Variants in IL5RA observed in about 807,000 individuals in gnomAD.
IL5RA encodes the protein interleukin-5 receptor subunit alpha.
Under a neutral mutation model 50.0 loss-of-function variants are expected in IL5RA, and 49 were observed. The observed-to-expected ratio is 0.98, with a 90% CI of 0.78 to 1.24. The LOEUF (loss-of-function observed/expected upper bound fraction) is 1.24, where lower values mean the gene tolerates loss of function less well. Among genes scored for constraint, IL5RA ranks in the 50% most tolerant of loss-of-function variants. The pLI, the probability that IL5RA is intolerant of heterozygous loss-of-function variation, is 0.00. For synonymous variants in IL5RA, 202 were observed against 174.0 expected (o/e 1.16, Z -1.26); for missense variants, 600 against 500.4 (o/e 1.20, Z -1.90).
Position 3,102,756 on chromosome 3 carries a change from T to C in IL5RA, c.147A>G (p.Gln49=), listed in dbSNP as rs1175668767. ...KVTGLAQVLL[Q]WKPNPDQEQR... Reference sequence around the variant, plus strand: ...GCTCTTGATCAGGATTTGGTTTCCATTGTAAAAGAACTTGAGCCAAACCAG... The same window carrying C: ...GCTCTTGATCAGGATTTGGTTTCCACTGTAAAAGAACTTGAGCCAAACCAG... The change falls in exon 4 of 12, where the codon CAA becomes CAG. Residue 49 remains glutamine (Q), a synonymous_variant. Coordinates refer to ENST00000446632, the MANE Select transcript of IL5RA (RefSeq NM_175726.4). 5 of 1,611,640 alleles carry C rather than the reference T, an allele frequency of 3.1e-6. No individual in the cohort carries two copies.
chr3:3,070,158 C>A lies in IL5RA; in HGVS notation c.*67G>T. 9.9e-7 allele frequency: 1 copy of A among 1,008,718 alleles called. No homozygotes were observed. The highest frequency in any genetic ancestry group is 1.5e-6 in the Non-Finnish European group (1 of 649,822). The allele number at this position is 1,008,718 out of a possible 1,614,324, so 62.5% of individuals were successfully genotyped here. A position where few individuals can be genotyped will look rare whatever the true frequency, so the allele number is the denominator to read the frequency against. On this transcript the variant is annotated 3_prime_UTR_variant, in exon 12 of 12. Coordinates refer to ENST00000446632, the MANE Select transcript of IL5RA (RefSeq NM_175726.4). Reference sequence around the variant, plus strand: ...TGAACACCTCTTAGCCAAGAGCCAGCATCCCTGTTCTTTTCACTGAGGCAC... The same window carrying A: ...TGAACACCTCTTAGCCAAGAGCCAGAATCCCTGTTCTTTTCACTGAGGCAC...
chr3:3,071,583 G>A lies in IL5RA; in HGVS notation c.1177-1272C>T, dbSNP rs1449702834. Among the ~76,000 whole-genome samples the A allele has an allele frequency of 8.2e-5, 7 of 85,146 alleles. No individual in the cohort carries two copies. The East Asian group carries it at 1.6e-3, about 20-fold the overall frequency. The allele number at this position is 85,146 out of a possible 152,430, so 55.9% of individuals were successfully genotyped here. A position where few individuals can be genotyped will look rare whatever the true frequency, so the allele number is the denominator to read the frequency against. ...TGTGTGTGTGTGTGTGTGTGTGTGT[G>A]TGTGTGTGTGTGTATTTTTTTTTTT... is the stretch of plus-strand genomic sequence containing the variant. On this transcript the variant is annotated intron_variant, in intron 11 of 11. Transcript: ENST00000446632.
At chr3:3,083,563 G>A (rs1461037504) in intron 9 of IL5RA, among the ~76,000 whole-genome samples, 1 of 152,180 alleles carries the variant, frequency 6.6e-6, no homozygotes. Flanking sequence ...AATTCCTCAT[G>A]GCAGTTTTCT....
chr3:3,081,374 C>G (rs1012274485), intron 9 of IL5RA, among the ~76,000 whole-genome samples: 3 of 152,184 alleles, frequency 2.0e-5, no homozygotes, highest in Non-Finnish European at 2.9e-5. Flanking sequence ...AACCATTATG[C>G]AAGTATTCTG....
chr3:3,073,804 A>C (rs1207910981), intron 11 of IL5RA: 2 of 451,912 alleles, frequency 4.4e-6, no homozygotes, highest in Non-Finnish European at 8.9e-6. Context: ...TGAATCTAAG[A>C]TGTATATGAA....
rs1559856794 is a variant in IL5RA at position 3,068,614 on chromosome 3, A to AAAAAAAAAAG, written c.*1610_*1611insCTTTTTTTTT. On this transcript the variant is annotated 3_prime_UTR_variant, in exon 12 of 12. Coordinates refer to ENST00000446632, the MANE Select transcript of IL5RA (RefSeq NM_175726.4). ...AAAAAAAAAAAAAAAAAAAACAAAA[A>AAAAAAAAAAG]CAGGTTTGAGATTATGAATCATTTG... is the stretch of plus-strand genomic sequence containing the variant. 1 of 135,616 alleles carries AAAAAAAAAAG rather than the reference A, an allele frequency of 7.4e-6. No homozygotes were observed. The highest frequency in any genetic ancestry group is 2.7e-5 in the African/African-American group (1 of 37,012). 8.4% of individuals were successfully genotyped at this position (135,616 alleles called of 1,614,324 possible).
chr3:3,094,022 C>T (rs2125975293), intron 8 of IL5RA, among the ~76,000 whole-genome samples: 1 of 152,224 alleles, frequency 6.6e-6, no homozygotes, highest in South Asian at 2.1e-4. Flanking sequence ...TAAAGCTTGA[C>T]ACATAATTGA....
Position 3,067,593 on chromosome 3 carries a change from C to T in IL5RA, c.*2632G>A, listed in dbSNP as rs1702166579. 1 of 152,282 alleles carries T rather than the reference C, an allele frequency of 6.6e-6. No individual in the cohort carries two copies. The highest frequency in any genetic ancestry group is 1.5e-5 in the Non-Finnish European group (1 of 68,146). The allele number at this position is 152,282 out of a possible 1,614,324, so 9.4% of individuals were successfully genotyped here. Reference sequence around the variant, plus strand: ...AGAATCCAGAGGCGGGATCAACCAACTCTGCTTTTGAAGGCTTCATGGAGG... The same window carrying T: ...AGAATCCAGAGGCGGGATCAACCAATTCTGCTTTTGAAGGCTTCATGGAGG... On this transcript the variant is annotated 3_prime_UTR_variant, in exon 12 of 12. Transcript: ENST00000446632.
At position 3,095,166 on chromosome 3, in the gene IL5RA, C is replaced by A. The variant is rs1703299956; in HGVS notation, c.855+133G>T. The stretch of plus-strand genomic sequence containing the variant: ...TATCTATTTGGTTATATCTATAATA[C>A]CTGGGTAGATTAAGTTAACTTTGAC... On this transcript the variant is annotated intron_variant, in intron 8 of 11. Coordinates refer to ENST00000446632, the MANE Select transcript of IL5RA (RefSeq NM_175726.4). 7.7e-6 allele frequency: 5 copies of A among 645,352 alleles called. No homozygotes were observed. The South Asian group carries it at 9.8e-5, about 13-fold the overall frequency. The allele number at this position is 645,352 out of a possible 1,614,324, so 40.0% of individuals were successfully genotyped here.
chr3:3,070,424 C>T (rs1702260020), intron 11 of IL5RA, 113 bp from the exon 12 acceptor site: 1 of 659,554 alleles, frequency 1.5e-6, no homozygotes. Flanking sequence ...AGTAAATGTT[C>T]ACAAAGAAGA....
chr3:3,074,120 C>T (rs759231769), intron 11 of IL5RA, among the ~76,000 whole-genome samples: 12 of 152,332 alleles, frequency 7.9e-5, no homozygotes, highest in South Asian at 6.2e-4. Context: ...TGAACCTAAG[C>T]GCTCTGAATG....
At chr3:3,087,396 C>G (rs557768082) in intron 9 of IL5RA, among the ~76,000 whole-genome samples, 3 of 152,146 alleles carry the variant, frequency 2.0e-5, no homozygotes, top group Non-Finnish European at 2.9e-5. Flanking sequence ...GGACAGCACC[C>G]CCAGCCTCTC....
rs1482391230 is a variant in IL5RA, at chr3:3,092,266, C to G, written c.952G>C (p.Glu318Gln). The G allele has an allele frequency of 1.2e-6, 2 of 1,614,024 alleles. No homozygotes were observed. Among genetic ancestry groups the G allele is most frequent in the East Asian group, 2.2e-5 (1 of 44,898 alleles). The change falls in exon 9 of 12, where the codon GAG becomes CAG. Residue 318 changes from glutamate (E) to glutamine (Q), a missense_variant. By Grantham distance (29) the Glu-to-Gln change is conservative. Coordinates refer to ENST00000446632, the MANE Select transcript of IL5RA (RefSeq NM_175726.4). The surrounding 1 kb of genome is among the most constrained non-coding windows in gnomAD (Gnocchi z 4.2). ...VRAAVSSMCR[E>Q]AGLWSEWSQP... ...CTCCACTCACTCCAGAGCCCTGCCT[C>G]TCTGCACATGGAGCTCACTGCTGCT... is the stretch of plus-strand genomic sequence containing the variant.
chr3:3,101,508 A>G (rs1703651564), intron 5 of IL5RA, among the ~76,000 whole-genome samples, 184 bp downstream of exon 5: 1 of 152,228 alleles, frequency 6.6e-6, no homozygotes, highest in East Asian at 1.9e-4. Flanking sequence ...AATGTGCCAG[A>G]TGGAATTCAG....
At chr3:3,095,516 C>T in intron 7 of IL5RA, 72 bp from the exon 8 acceptor site, 4 of 1,218,194 alleles carry the variant, frequency 3.3e-6, no homozygotes, top group Admixed American at 2.0e-5. Flanking sequence ...TTCCAATCCA[C>T]CCACACTTCT....
At chr3:3,090,272 A>T in intron 9 of IL5RA, 2 of 1,551,000 alleles carry the variant, frequency 1.3e-6, no homozygotes, top group Non-Finnish European at 8.8e-7. Flanking sequence ...AAACAGAGAG[A>T]AATTATTTGT....
intron 9 of IL5RA, among the ~76,000 whole-genome samples, chr3:3,078,227 C>T (rs1574979073): frequency 6.6e-6 from 1 of 152,186 alleles, no homozygotes; most frequent in Non-Finnish European, 1.5e-5. Flanking sequence ...GTGGAATTTT[C>T]AGGTCCTTGT....
At chr3:3,098,420 T>C (rs560527702) in intron 5 of IL5RA, 130 bp from the exon 6 acceptor site, 292 of 804,452 alleles carry the variant, frequency 3.6e-4, no homozygotes, top group Admixed American at 1.8e-4. Flanking sequence ...CATTTTTTTT[T>C]CCCTTGAGAC....
At chr3:3,072,082 T>C (rs1447053464) in intron 11 of IL5RA, among the ~76,000 whole-genome samples, 1 of 152,212 alleles carries the variant, frequency 6.6e-6, no homozygotes, top group Non-Finnish European at 1.5e-5. Context: ...ATAGCACCAA[T>C]GTGCCCTCTT....
Sources: allele counts gnomAD v4.1 joint callset (sites outside exome capture counted in the v4.1 genomes callset), GRCh38; gene constraint gnomAD v4.1.1; non-coding constraint Gnocchi (gnomAD v3.1); transcripts MANE v1.5; gene names NCBI Gene and HGNC (gene_info 2026-07-23, HGNC 2026-07-21).